Variants in PGGT1B observed in about 807,000 individuals in gnomAD.
PGGT1B encodes geranylgeranyl transferase type-1 subunit beta.
Under a neutral mutation model 46.1 loss-of-function variants are expected in PGGT1B, and 30 were observed. That is an observed-to-expected ratio of 0.65 (90% CI 0.49 to 0.88). The LOEUF is 0.88. Among genes scored for constraint, PGGT1B ranks in the 40% least tolerant of loss-of-function variants. The pLI is 0.00. For synonymous variants in PGGT1B, 170 were observed against 160.0 expected, an observed-to-expected ratio of 1.06 and a Z score of -0.47; for missense variants, 376 against 455.9, an observed-to-expected ratio of 0.82 and a Z score of 1.60.
At chr5:115,249,624 G>C (rs1301376866) in intron 2 of PGGT1B, among the ~76,000 whole-genome samples, 2 of 152,114 alleles carry the variant, frequency 1.3e-5, no homozygotes, top group African/African-American at 4.8e-5. Context: ...AATGAGTCAG[G>C]GTGGAGCAGG....
In PGGT1B at chr5:115,205,612, G is replaced by A. The variant is rs1336489364; in HGVS notation, c.*6790C>T. On this transcript the variant is annotated 3_prime_UTR_variant, in exon 9 of 9. Transcript: ENST00000419445. ...TGAGTTAATTCATATTTGGAATTCAGATTTATAATTCGTAAATGAGTTTGA... is the reference window on the plus strand; with the variant it reads ...TGAGTTAATTCATATTTGGAATTCAAATTTATAATTCGTAAATGAGTTTGA... 1 of 152,058 alleles carries A rather than the reference G, an allele frequency of 6.6e-6. No individual in the cohort carries two copies. The highest frequency in any genetic ancestry group is 6.6e-5 in the Admixed American group (1 of 15,242). The allele number at this position is 152,058 out of a possible 1,614,324, so 9.4% of individuals were successfully genotyped here. A position where few individuals can be genotyped will look rare whatever the true frequency, so the allele number is the denominator to read the frequency against.
In PGGT1B at chr5:115,212,326, A is replaced by T; in HGVS notation, c.*76T>A. The T allele has an allele frequency of 6.3e-7, 1 of 1,595,912 alleles. No individual in the cohort carries two copies. ...ACTCTACCTTTTAAAAAAAGAGCAC[A>T]CTTGGTTATACATGGCTTTTAAACT... On this transcript the variant is annotated 3_prime_UTR_variant, in exon 9 of 9. Transcript: ENST00000419445.
rs1272347970 is a variant in PGGT1B at position 115,236,474 on chromosome 5, G to A, written c.528C>T (p.Tyr176=). 1.3e-6 allele frequency: 2 copies of A among 1,575,134 alleles called. No homozygotes were observed. Among genetic ancestry groups the A allele is most frequent in the Admixed American group, 1.9e-5 (1 of 52,502 alleles). Residue 176 remains tyrosine (Y), a synonymous_variant, in exon 5 of 9, where the codon TAC becomes TAT. Coordinates refer to ENST00000419445, the MANE Select transcript of PGGT1B (RefSeq NM_005023.4). ...GCATATAGCAAATACAGGAAGCACAGTACACAAATCGCATGTCATTTTCAC... is the reference window on the plus strand; with the variant it reads ...GCATATAGCAAATACAGGAAGCACAATACACAAATCGCATGTCATTTTCAC... The part of the protein sequence containing the change: ...EGSENDMRFV[Y]CASCICYMLN...
chr5:115,229,939 C>T (rs2127003726), intron 6 of PGGT1B, among the ~76,000 whole-genome samples: 1 of 152,138 alleles, frequency 6.6e-6, no homozygotes, highest in South Asian at 2.1e-4. Context: ...TACTCTACAA[C>T]TACCTAAATT....
Position 115,236,438 on chromosome 5 carries a change from C to A in PGGT1B, c.564G>T (p.Trp188Cys). 1 of 1,598,500 alleles carries A rather than the reference C, an allele frequency of 6.3e-7. No homozygotes were observed. Among genetic ancestry groups the A allele is most frequent in the Non-Finnish European group, 8.5e-7 (1 of 1,173,506 alleles). ...TGGCTTTTTTCATATCCATGCCTGA[C>A]CAGTTGTTGAGCATATAGCAAATAC... ...ASCICYMLNN[W>C]SGMDMKKAIT... The change falls in exon 5 of 9, where the codon TGG (tryptophan) becomes TGT (cysteine). Residue 188 changes from tryptophan to cysteine, a missense_variant. Transcript: ENST00000419445.
At chr5:115,240,861 A>C (rs1358322830) in intron 3 of PGGT1B, among the ~76,000 whole-genome samples, 3 of 152,166 alleles carry the variant, frequency 2.0e-5, no homozygotes, top group South Asian at 2.1e-4. Context: ...GCTTTTCTCC[A>C]CTTTCTACTG....
intron 4 of PGGT1B, among the ~76,000 whole-genome samples, chr5:115,236,891 G>C (rs193178219): frequency 6.6e-6 from 1 of 152,076 alleles, no homozygotes; most frequent in Non-Finnish European, 1.5e-5. Flanking sequence ...GAGACCTACT[G>C]GGTATACGAA....
chr5:115,258,918 T>G (rs1289385563), intron 1 of PGGT1B, among the ~76,000 whole-genome samples: 2 of 152,212 alleles, frequency 1.3e-5, no homozygotes, highest in Non-Finnish European at 2.9e-5. Context: ...ACACCGCAGC[T>G]CTTTCGCCTA....
intron 6 of PGGT1B, among the ~76,000 whole-genome samples, chr5:115,224,840 A>AAAG (rs1756716580): frequency 6.6e-6 from 1 of 151,940 alleles, no homozygotes; most frequent in African/African-American, 2.4e-5. Flanking sequence ...TCTCAAAAAA[A>AAAG]AAAAAAAAAA....
chr5:115,227,902 C>T (rs1019262982), intron 6 of PGGT1B, among the ~76,000 whole-genome samples: 3 of 152,072 alleles, frequency 2.0e-5, no homozygotes, highest in African/African-American at 7.2e-5. Context: ...TTATTTTCCT[C>T]TTAGTCTGTA....
chr5:115,233,702 CATGAG>C (rs1207268657), intron 5 of PGGT1B, among the ~76,000 whole-genome samples: 1 of 151,728 alleles, frequency 6.6e-6, no homozygotes, highest in Non-Finnish European at 1.5e-5. Flanking sequence ...AATGAAAAAT[CATGAG>C]AGGAGGGCAG....
chr5:115,234,468 A>G (rs1757111069), intron 5 of PGGT1B, among the ~76,000 whole-genome samples: 1 of 151,976 alleles, frequency 6.6e-6, no homozygotes, highest in African/African-American at 2.4e-5. Flanking sequence ...TAAGAACCAA[A>G]TTAGTTTTTC....
rs901562250 is a variant in PGGT1B at position 115,212,046 on chromosome 5, T to C, written c.*356A>G. 1.6e-5 allele frequency: 3 copies of C among 193,488 alleles called. No homozygotes were observed. In the Admixed American group the frequency reaches 1.6e-4, roughly 10 times the overall value. The allele number at this position is 193,488 out of a possible 1,614,324, so 12.0% of individuals were successfully genotyped here. Reference sequence around the variant, plus strand: ...TCACCTGAAGATTATCAATGCTATATGAAGTGTAAACTTGAAAATTTGTGT... The same window carrying C: ...TCACCTGAAGATTATCAATGCTATACGAAGTGTAAACTTGAAAATTTGTGT... On this transcript the variant is annotated 3_prime_UTR_variant, in exon 9 of 9. Coordinates refer to ENST00000419445, the MANE Select transcript of PGGT1B (RefSeq NM_005023.4).
intron 2 of PGGT1B, among the ~76,000 whole-genome samples, chr5:115,251,525 G>C (rs929420490): frequency 3.3e-5 from 5 of 151,924 alleles, no homozygotes; most frequent in Non-Finnish European, 7.4e-5. Flanking sequence ...CCTTAATAGT[G>C]GGGGGAAATA....
chr5:115,217,639 T>C (rs1260591404), intron 7 of PGGT1B, among the ~76,000 whole-genome samples: 1 of 152,008 alleles, frequency 6.6e-6, no homozygotes, highest in Non-Finnish European at 1.5e-5. Flanking sequence ...ACATTTCTGA[T>C]GATACAAAGC....
chr5:115,216,293 C>A (rs1278201958), intron 8 of PGGT1B, among the ~76,000 whole-genome samples: 2 of 152,132 alleles, frequency 1.3e-5, no homozygotes, highest in Admixed American at 6.5e-5. Context: ...GCACGCATCA[C>A]CACACCTGGC....
rs1398791949 is a variant in PGGT1B at position 115,204,518 on chromosome 5, TG to T, written c.*7883del. The T allele has an allele frequency of 6.6e-6, 1 of 152,134 alleles. No homozygotes were observed. The highest frequency in any genetic ancestry group is 2.4e-5 in the African/African-American group (1 of 41,442). 9.4% of individuals were successfully genotyped at this position (152,134 alleles called of 1,614,324 possible). On this transcript the variant is annotated 3_prime_UTR_variant, in exon 9 of 9. Coordinates refer to ENST00000419445, the MANE Select transcript of PGGT1B (RefSeq NM_005023.4). Reference sequence around the variant, plus strand: ...ACCTCCCCCCAAACTTATTAGAACTTGATTTCCACACATTATCAATAACGGA... The same window carrying T: ...ACCTCCCCCCAAACTTATTAGAACTTATTTCCACACATTATCAATAACGGA...
chr5:115,241,849 C>T (rs578065870), intron 2 of PGGT1B, among the ~76,000 whole-genome samples: 8 of 152,048 alleles, frequency 5.3e-5, no homozygotes, highest in Admixed American at 3.3e-4. Flanking sequence ...TTTAATAGCC[C>T]ACCTCACTGC....
At chr5:115,242,828 G>A (rs1051107702) in intron 2 of PGGT1B, among the ~76,000 whole-genome samples, 2 of 152,154 alleles carry the variant, frequency 1.3e-5, no homozygotes, top group African/African-American at 2.4e-5. Context: ...TTAGATGGGT[G>A]TAGTGGCACC....
Sources: allele counts gnomAD v4.1 joint callset (sites outside exome capture counted in the v4.1 genomes callset), GRCh38; gene constraint gnomAD v4.1.1; transcripts MANE v1.5; gene names NCBI Gene and HGNC (gene_info 2026-07-23, HGNC 2026-07-21).